UTRN: variants seen among roughly 807,000 people sequenced by gnomAD.
The protein encoded by UTRN is utrophin, also known as dystrophin-related protein 1.
UTRN carries 283 observed loss-of-function variants against 463.9 expected under a neutral mutation model. The observed-to-expected ratio is 0.61, with a 90% CI of 0.55 to 0.67. The LOEUF is 0.67. UTRN is among the 30% of genes least tolerant of loss of function. The pLI, the probability that UTRN is intolerant of heterozygous loss-of-function variation, is 0.00. For missense variants in UTRN, 3,922 were observed against 4,084.3 expected, an observed-to-expected ratio of 0.96 and a Z score of 1.08; for synonymous variants, 1,442 against 1,431.5, an observed-to-expected ratio of 1.01 and a Z score of -0.17.
At chr6:144,700,301 G>C in intron 53 of UTRN, 58 bp downstream of exon 53, 1 of 1,493,228 alleles carries the variant, frequency 6.7e-7, no homozygotes, top group South Asian at 1.4e-5. Flanking sequence ...GTAGATATTT[G>C]AAATACAATT....
chr6:144,538,249 A>G (rs969472969), intron 44 of UTRN, among the ~76,000 whole-genome samples: 2 of 152,164 alleles, frequency 1.3e-5, no homozygotes, highest in Admixed American at 6.5e-5. Flanking sequence ...ATTCATACAT[A>G]TATAGATGTA....
At position 144,472,317 on chromosome 6, in the gene UTRN, T is replaced by C. The variant is rs566662956; in HGVS notation, c.3067-1403T>C. Among the ~76,000 whole-genome samples the C allele has an allele frequency of 1.9e-4, 29 of 151,462 alleles. No homozygotes were observed. In the South Asian group the frequency reaches 5.0e-3, roughly 26 times the overall value. Reference sequence around the variant, plus strand: ...TTTAAGTACTACTTTCTTTTCTTTTTTTTTTTTTTTGGAGGAGGAAGCCTA... The same window carrying C: ...TTTAAGTACTACTTTCTTTTCTTTTCTTTTTTTTTTGGAGGAGGAAGCCTA... On this transcript the variant is annotated intron_variant, in intron 23 of 74. Coordinates refer to ENST00000367545, the MANE Select transcript of UTRN (RefSeq NM_007124.3).
chr6:144,537,880 TATA>T, intron 44 of UTRN, among the ~76,000 whole-genome samples, 163 bp downstream of exon 44: 1 of 152,350 alleles, frequency 6.6e-6, no homozygotes, highest in South Asian at 2.1e-4. Flanking sequence ...AAAGAGCAGT[TATA>T]ATTTTGGTCT....
chr6:144,598,800 T>C (rs1019133862), intron 51 of UTRN, among the ~76,000 whole-genome samples: 1 of 152,176 alleles, frequency 6.6e-6, no homozygotes, highest in Non-Finnish European at 1.5e-5. Context: ...TAATGAGGCA[T>C]GTCCAACCAC....
intron 39 of UTRN, among the ~76,000 whole-genome samples, chr6:144,519,059 C>T (rs547684471): frequency 1.3e-5 from 2 of 152,268 alleles, no homozygotes; most frequent in Admixed American, 6.5e-5. Flanking sequence ...CACTAGTTTA[C>T]AGGACTCATT....
rs578063821 is a variant in UTRN at position 144,352,506 on chromosome 6, C to G, written c.80-50617C>G. Among the ~76,000 whole-genome samples the G allele has an allele frequency of 2.6e-5, 4 of 152,292 alleles. No homozygotes were observed. In the East Asian group the frequency reaches 7.7e-4, roughly 29 times the overall value. ...AGGCAATAGTTCTCATTTCCCTTTTCATGTCCCACGGGACATGTCATATCT... is the reference window on the plus strand; with the variant it reads ...AGGCAATAGTTCTCATTTCCCTTTTGATGTCCCACGGGACATGTCATATCT... On this transcript the variant is annotated intron_variant, in intron 2 of 74. Transcript: ENST00000367545.
chr6:144,666,720 A>G (rs922991407), intron 51 of UTRN, among the ~76,000 whole-genome samples: 1 of 152,202 alleles, frequency 6.6e-6, no homozygotes, highest in African/African-American at 2.4e-5. Flanking sequence ...GATGATGATC[A>G]TGTGTGGAAG....
At chr6:144,385,765 G>C (rs74899243) in intron 2 of UTRN, among the ~76,000 whole-genome samples, 13,045 of 151,244 alleles carry the variant, frequency 0.086, 1,173 homozygotes, top group African/African-American at 0.23. Flanking sequence ...CTTGAGTGCA[G>C]AGGTGCGATC....
intron 51 of UTRN, among the ~76,000 whole-genome samples, chr6:144,653,990 C>G (rs1779080990): frequency 6.6e-6 from 1 of 152,180 alleles, no homozygotes. Flanking sequence ...GAACTCATTG[C>G]TCAGAGCAAA....
intron 41 of UTRN, among the ~76,000 whole-genome samples, chr6:144,526,514 G>C (rs374799692): frequency 4.2e-4 from 64 of 151,954 alleles, no homozygotes; most frequent in African/African-American, 1.5e-3. Context: ...GCTTGCTTTT[G>C]GTGTCCATTT....
At chr6:144,423,440 G>A (rs1785027128) in intron 4 of UTRN, 109 bp from the exon 5 acceptor site, 1 of 1,090,914 alleles carries the variant, frequency 9.2e-7, no homozygotes, top group South Asian at 1.4e-5. Context: ...TCCTGCCTCT[G>A]AGGGGCCCTG....
At chr6:144,440,910 G>T (rs183072986) in intron 13 of UTRN, among the ~76,000 whole-genome samples, 5 of 152,120 alleles carry the variant, frequency 3.3e-5, no homozygotes, top group Admixed American at 1.3e-4. Flanking sequence ...GCAAAGAGAG[G>T]GAGCTTGTGC....
At chr6:144,398,920 A>G (rs540072520) in intron 2 of UTRN, among the ~76,000 whole-genome samples, 2 of 152,360 alleles carry the variant, frequency 1.3e-5, no homozygotes, top group African/African-American at 4.8e-5. Context: ...TCTGTTTTAA[A>G]TGCGGTTTTT....
intron 51 of UTRN, among the ~76,000 whole-genome samples, chr6:144,582,789 G>A (rs1011411551): frequency 2.0e-5 from 3 of 152,124 alleles, no homozygotes; most frequent in African/African-American, 7.2e-5. Flanking sequence ...ACCCCTGCAA[G>A]TATTTTTTGT....
intron 51 of UTRN, among the ~76,000 whole-genome samples, chr6:144,663,607 G>A (rs1247465565): frequency 6.6e-6 from 1 of 152,068 alleles, no homozygotes; most frequent in Non-Finnish European, 1.5e-5. Context: ...ATTCAGACCT[G>A]CTACTGAATG....
intron 6 of UTRN, among the ~76,000 whole-genome samples, chr6:144,425,198 G>A (rs181209354): frequency 1.2e-4 from 18 of 152,176 alleles, no homozygotes; most frequent in African/African-American, 2.9e-4. Flanking sequence ...TCTCTCAGTG[G>A]GCTTGGGCTT....
intron 23 of UTRN, among the ~76,000 whole-genome samples, chr6:144,465,244 G>A (rs1789829159): frequency 6.6e-6 from 1 of 152,036 alleles, no homozygotes; most frequent in Non-Finnish European, 1.5e-5. Flanking sequence ...ACTCTTAAAA[G>A]TATATCTTAG....
chr6:144,328,193 C>CT (rs397946679), intron 2 of UTRN, among the ~76,000 whole-genome samples: 9,029 of 144,978 alleles, frequency 0.062, 856 homozygotes, highest in African/African-American at 0.21. Flanking sequence ...AGTTTCTTTC[C>CT]TTTTTTTTTT....
intron 6 of UTRN, among the ~76,000 whole-genome samples, chr6:144,425,740 C>T (rs953193656): frequency 1.3e-5 from 2 of 152,046 alleles, no homozygotes; most frequent in African/African-American, 4.8e-5. Context: ...CCAGTGTGAG[C>T]CCCTTAAATT....
Sources: gnomAD v4.1 joint callset for allele counts (sites outside exome capture counted in the v4.1 genomes callset) on GRCh38, gnomAD v4.1.1 for gene constraint, MANE v1.5 for transcripts, NCBI Gene and HGNC (gene_info 2026-07-23, HGNC 2026-07-21) for gene names.